Variants in DAB2IP observed in about 807,000 individuals in gnomAD.
DAB2IP encodes the protein disabled homolog 2-interacting protein.
Under a neutral mutation model 107.2 loss-of-function variants are expected in DAB2IP, and 28 were observed. The ratio of observed to expected loss-of-function variants is 0.26; its 90% CI spans 0.19 to 0.36. The LOEUF (loss-of-function observed/expected upper bound fraction) is 0.36. Ranked by LOEUF, DAB2IP falls within the 10% of genes least tolerant of loss-of-function variation. The probability of loss-of-function intolerance (pLI) is 1.00; values close to 1 mark genes in which losing one functional copy is unlikely to be tolerated. For missense variants in DAB2IP, 1,400 were observed against 1,644.7 expected, an observed-to-expected ratio of 0.85 and a Z score of 2.57; for synonymous variants, 755 against 706.4, an observed-to-expected ratio of 1.07 and a Z score of -1.09.
chr9:121,680,076 A>G (rs541768060), intron 2 of DAB2IP, among the ~76,000 whole-genome samples: 1 of 152,272 alleles, frequency 6.6e-6, no homozygotes, highest in Non-Finnish European at 1.5e-5. Flanking sequence ...TCAGCATGAG[A>G]ATGTGAGCTC....
chr9:121,637,950 A>G lies in DAB2IP; in HGVS notation c.41-40728A>G, dbSNP rs186771677. On this transcript the variant is annotated intron_variant, in intron 1 of 16. Coordinates refer to the DAB2IP transcript ENST00000259371. Reference sequence around the variant, plus strand: ...GGCAGGTTCATGATGCACGAGGCCCAGGGGTCCGAGGGGCTCTGATGTGCA... The same window carrying G: ...GGCAGGTTCATGATGCACGAGGCCCGGGGGTCCGAGGGGCTCTGATGTGCA... Among the ~76,000 whole-genome samples the G allele has an allele frequency of 1.1e-3, 172 of 152,302 alleles. 1 individual carries two copies. Among genetic ancestry groups the G allele is most frequent in the African/African-American group, 4.1e-3 (169 of 41,560 alleles).
Position 121,636,079 on chromosome 9 carries a change from A to AT in DAB2IP, c.41-42590dup, listed in dbSNP as rs542819691. ...CCACCATGCCCAGCTAATTTTTTGT[A>AT]TTTTTTTTTAGTAGAGATGGGTTTT... is the stretch of plus-strand genomic sequence containing the variant. On this transcript the variant is annotated intron_variant, in intron 1 of 16. Transcript: ENST00000259371. Among the ~76,000 whole-genome samples, 238 of 150,758 alleles carry AT rather than the reference A, an allele frequency of 1.6e-3. 1 individual carries two copies. Among genetic ancestry groups the AT allele is most frequent in the Admixed American group, 2.6e-3 (40 of 15,118 alleles).
At chr9:121,573,357 G>A (rs1184918108) in intron 1 of DAB2IP, among the ~76,000 whole-genome samples, 2 of 151,906 alleles carry the variant, frequency 1.3e-5, no homozygotes, top group Non-Finnish European at 2.9e-5. Context: ...GATTACAGGC[G>A]TGAGCCACCG....
chr9:121,673,114 C>T (rs1033953691), intron 1 of DAB2IP, among the ~76,000 whole-genome samples: 1 of 152,174 alleles, frequency 6.6e-6, no homozygotes, highest in African/African-American at 2.4e-5. Flanking sequence ...TGCTCTTACT[C>T]CCTGACTCAT....
chr9:121,773,348 G>C, exon 12 of DAB2IP: 1 of 1,575,436 alleles, frequency 6.3e-7, no homozygotes, highest in South Asian at 1.2e-5. Flanking sequence ...CCAACCTGCT[G>C]AGCACCCTGC....
intron 6 of DAB2IP, among the ~76,000 whole-genome samples, chr9:121,761,077 C>G (rs1833853309): frequency 6.6e-6 from 1 of 152,220 alleles, no homozygotes; most frequent in Non-Finnish European, 1.5e-5. Context: ...CTCCATGACC[C>G]CTTTCACCTT....
chr9:121,739,852 A>G (rs758910142), intron 3 of DAB2IP, among the ~76,000 whole-genome samples: 1 of 152,132 alleles, frequency 6.6e-6, no homozygotes, highest in Non-Finnish European at 1.5e-5. Flanking sequence ...GTGTTGTGCT[A>G]AGGAAGTGTC....
intron 14 of DAB2IP, among the ~76,000 whole-genome samples, chr9:121,779,070 TTTC>T (rs1835410130): frequency 6.6e-6 from 1 of 152,204 alleles, no homozygotes; most frequent in African/African-American, 2.4e-5. Flanking sequence ...TGTTATCTTC[TTTC>T]TTCATTTTTT....
intron 8 of DAB2IP, among the ~76,000 whole-genome samples, chr9:121,766,176 G>C (rs1362524525): frequency 6.6e-6 from 1 of 152,198 alleles, no homozygotes; most frequent in African/African-American, 2.4e-5. Context: ...ACTGGCCCTT[G>C]GCAGTTAATT....
chr9:121,668,331 G>A (rs1364750537), intron 1 of DAB2IP, among the ~76,000 whole-genome samples: 7 of 151,686 alleles, frequency 4.6e-5, no homozygotes, highest in Non-Finnish European at 7.4e-5. Context: ...TCTGCCTCCC[G>A]GGTTCAAGTG....
At chr9:121,656,101 C>A (rs1832960762) in intron 1 of DAB2IP, among the ~76,000 whole-genome samples, 1 of 151,830 alleles carries the variant, frequency 6.6e-6, no homozygotes, top group Non-Finnish European at 1.5e-5. Flanking sequence ...CTCTGCCTCC[C>A]GGGTTCAAGC....
At chr9:121,606,203 TA>T (rs1282517800) in intron 1 of DAB2IP, among the ~76,000 whole-genome samples, 2 of 150,870 alleles carry the variant, frequency 1.3e-5, no homozygotes, top group African/African-American at 4.9e-5. Flanking sequence ...GAAAAAAAAA[TA>T]AAGAAAGAAA....
At chr9:121,697,568 G>A (rs1829490234) in intron 2 of DAB2IP, among the ~76,000 whole-genome samples, 1 of 152,218 alleles carries the variant, frequency 6.6e-6, no homozygotes, top group Non-Finnish European at 1.5e-5. Flanking sequence ...TCTGCATTAA[G>A]CATTGCCTTG....
At chr9:121,620,766 C>T (rs1319702563) in intron 1 of DAB2IP, among the ~76,000 whole-genome samples, 1 of 152,126 alleles carries the variant, frequency 6.6e-6, no homozygotes, top group Non-Finnish European at 1.5e-5. Flanking sequence ...CTCTGAGGTC[C>T]TAACCCGGGT....
Position 121,772,715 on chromosome 9 carries a change from C to T in DAB2IP, c.2187C>T (p.Tyr729=). 6.2e-7 allele frequency: 1 copy of T among 1,614,014 alleles called. No homozygotes were observed. The highest frequency in any genetic ancestry group is 8.5e-7 in the Non-Finnish European group (1 of 1,180,020). ...CCTCACCTGCCCGCAGCTCGAGTTA[C>T]TCGGAAGCCAACGAGCCTGATCTTC... Residue 729 remains tyrosine, a synonymous_variant, in exon 12 of 16, where the codon TAC becomes TAT. Transcript: ENST00000408936. This position sits in a 1 kb window ranked among gnomAD's most constrained non-coding sequence, Gnocchi z 4.7.
intron 3 of DAB2IP, among the ~76,000 whole-genome samples, chr9:121,721,184 T>G (rs1830909499): frequency 6.6e-6 from 1 of 152,118 alleles, no homozygotes; most frequent in African/African-American, 2.4e-5. Flanking sequence ...GCTTCTGATG[T>G]AAAGATCAAA....
At position 121,772,796 on chromosome 9, in the gene DAB2IP, G is replaced by A. The variant is rs757859993; in HGVS notation, c.2268G>A (p.Thr756=). The stretch of plus-strand genomic sequence containing the variant: ...TGGTGGACCTCCAGGACGCCCGCAC[G>A]CTGGATGGGGAGGCAGGCTCCCCGG... The change falls in exon 12 of 16, where the codon ACG becomes ACA. Residue 756 remains threonine, a synonymous_variant. Transcript: ENST00000408936. This position sits in a 1 kb window ranked among gnomAD's most constrained non-coding sequence, Gnocchi z 4.7. The A allele has an allele frequency of 3.8e-5, 61 of 1,612,338 alleles. No homozygotes were observed. The highest frequency in any genetic ancestry group is 4.6e-5 in the Non-Finnish European group (54 of 1,179,654).
At chr9:121,714,269 G>A (rs145949928) in intron 3 of DAB2IP, among the ~76,000 whole-genome samples, 32 of 152,318 alleles carry the variant, frequency 2.1e-4, no homozygotes, top group African/African-American at 7.5e-4. Flanking sequence ...TCAATATTCT[G>A]TGGTCTGCCT....
Position 121,756,947 on chromosome 9 carries a change from T to A in DAB2IP, c.363-66T>A. ...AAGGGGCACGGCCAGGGCAGATGGG[T>A]GGGACATGGCAACCAGCTTGACCCG... On this transcript the variant is annotated intron_variant, in intron 3 of 15. Coordinates refer to ENST00000408936, the Ensembl canonical transcript of DAB2IP. 7 of 1,608,226 alleles carry A rather than the reference T, an allele frequency of 4.4e-6. No homozygotes were observed. The South Asian group carries it at 6.6e-5, about 15-fold the overall frequency.
Sources: allele counts gnomAD v4.1 joint callset (sites outside exome capture counted in the v4.1 genomes callset), GRCh38; gene constraint gnomAD v4.1.1; non-coding constraint Gnocchi (gnomAD v3.1); transcripts MANE v1.5; gene names NCBI Gene and HGNC (gene_info 2026-07-23, HGNC 2026-07-21).